The following SLAMF9 variants were observed in gnomAD, a reference collection of about 807,000 sequenced individuals.
The protein encoded by SLAMF9 is CD2 family member 10.
SLAMF9 carries 25 observed loss-of-function variants against 30.4 expected under a neutral mutation model. The ratio of observed to expected loss-of-function variants is 0.82; its 90% CI spans 0.60 to 1.15. SLAMF9 has a LOEUF of 1.15. Among genes scored for constraint, SLAMF9 ranks in the 50% most tolerant of loss-of-function variants. SLAMF9 has a pLI of 0.00. For synonymous variants in SLAMF9, 129 were observed against 127.2 expected, an observed-to-expected ratio of 1.01 and a Z score of -0.09; for missense variants, 344 against 346.1, an observed-to-expected ratio of 0.99 and a Z score of 0.05.
the SLAMF9 span, among the ~76,000 whole-genome samples, chr1:159,977,848 G>A: frequency 6.6e-6 from 1 of 152,102 alleles, no homozygotes; most frequent in African/African-American, 2.4e-5. Context: ...GAACATAGGC[G>A]TACTCATGGA....
the SLAMF9 span, among the ~76,000 whole-genome samples, chr1:159,970,095 A>G: frequency 2.0e-5 from 3 of 152,186 alleles, no homozygotes. Flanking sequence ...TAAATAAAAT[A>G]GTATTTATCA....
chr1:159,963,454 T>C, the SLAMF9 span, among the ~76,000 whole-genome samples: 1 of 152,162 alleles, frequency 6.6e-6, no homozygotes. Context: ...GTGTTTTCCA[T>C]GCCAGTCACC....
At chr1:159,983,215 CCTTTT>C in the SLAMF9 span, 1 of 152,314 alleles carries the variant, frequency 6.6e-6, no homozygotes, top group African/African-American at 2.4e-5. Flanking sequence ...TGTCTTTCAT[CCTTTT>C]CTTTTCTTCT....
At chr1:159,972,249 C>T in the SLAMF9 span, among the ~76,000 whole-genome samples, 1 of 152,220 alleles carries the variant, frequency 6.6e-6, no homozygotes, top group Non-Finnish European at 1.5e-5. Context: ...AGCCTCACTG[C>T]TGGAGAGAAG....
chr1:159,964,826 T>C, the SLAMF9 span, among the ~76,000 whole-genome samples: 1 of 152,226 alleles, frequency 6.6e-6, no homozygotes, highest in Non-Finnish European at 1.5e-5. Context: ...TGTGTATTTG[T>C]ATTCCTTTGC....
At chr1:159,976,956 GAAA>G in the SLAMF9 span, 2 of 6,854 alleles carry the variant, frequency 2.9e-4, no homozygotes, top group African/African-American at 4.5e-4. Context: ...AAGAAAGAAA[GAAA>G]GAGAAAGAAA....
chr1:159,965,168 G>A, the SLAMF9 span, among the ~76,000 whole-genome samples: 4 of 152,188 alleles, frequency 2.6e-5, no homozygotes, highest in Non-Finnish European at 4.4e-5. Context: ...ACAGGAAAAC[G>A]CGAAGCTTAC....
chr1:159,970,347 A>G, the SLAMF9 span, among the ~76,000 whole-genome samples: 2 of 152,214 alleles, frequency 1.3e-5, no homozygotes, highest in Non-Finnish European at 2.9e-5. Context: ...AGAGTGTTAT[A>G]AAGCAGGAAT....
At chr1:159,962,230 G>A in the SLAMF9 span, among the ~76,000 whole-genome samples, 40 of 151,778 alleles carry the variant, frequency 2.6e-4, no homozygotes, top group Non-Finnish European at 7.4e-5. Flanking sequence ...ATGGGGTAGA[G>A]GGATAATTTT....
upstream of SLAMF9, among the ~76,000 whole-genome samples, chr1:159,954,550 A>G: frequency 6.6e-6 from 1 of 152,172 alleles, no homozygotes; most frequent in Non-Finnish European, 1.5e-5. Flanking sequence ...TCTCTGGGTA[A>G]TTCCTATGTT....
At position 159,952,525 on chromosome 1, in the gene SLAMF9, G is replaced by A. The variant is rs777558390; in HGVS notation, c.401C>T (p.Ser134Leu). The A allele has an allele frequency of 2.5e-6, 4 of 1,613,514 alleles. No individual in the cohort carries two copies. The African/African-American group carries it at 5.3e-5, about 22-fold the overall frequency. Residue 134 changes from serine to leucine, a missense_variant, in exon 3 of 4, where the codon TCA (serine) becomes TTA (leucine). By Grantham distance (145) the Ser-to-Leu change is moderately radical. Transcript: ENST00000368093. ...QYNICVYRWL[S>L]EPQITVNFES... ...AAAGTTCACAGTGATCTGGGGCTCT[G>A]ACAGCCATCCTGGATGAAGGGGAAA... is the stretch of plus-strand genomic sequence containing the variant.
chr1:159,973,851 T>A, the SLAMF9 span: 11 of 1,613,496 alleles, frequency 6.8e-6, no homozygotes, highest in Non-Finnish European at 9.3e-6. Flanking sequence ...CTGTGGAATA[T>A]ACATCACCTG....
chr1:159,955,717 C>G (rs138588743), upstream of SLAMF9, among the ~76,000 whole-genome samples: 4 of 152,076 alleles, frequency 2.6e-5, no homozygotes, highest in African/African-American at 4.8e-5. Flanking sequence ...ATTGAAGGAG[C>G]CTATAATAAG....
chr1:159,951,932 T>A (rs1483062983), intron 3 of SLAMF9, 66 bp from the exon 4 acceptor site: 9 of 1,402,558 alleles, frequency 6.4e-6, no homozygotes, highest in Non-Finnish European at 8.9e-6. Context: ...TTGGGCAGAC[T>A]CCTACCCAAA....
chr1:159,981,391 C>T, the SLAMF9 span, among the ~76,000 whole-genome samples: 11 of 152,156 alleles, frequency 7.2e-5, no homozygotes, highest in Non-Finnish European at 1.6e-4. Flanking sequence ...TGGTCTGTGC[C>T]ATGTGTTACA....
At chr1:159,957,605 A>T (rs1651953495), upstream of SLAMF9, among the ~76,000 whole-genome samples, 1 of 152,192 alleles carries the variant, frequency 6.6e-6, no homozygotes, top group South Asian at 2.1e-4. Context: ...GCCTGGCGAC[A>T]GAGCGAGACT....
At chr1:159,973,391 C>A in the SLAMF9 span, 10 of 509,752 alleles carry the variant, frequency 2.0e-5, no homozygotes, top group Non-Finnish European at 3.5e-5. Context: ...GGAACCCCAA[C>A]GGGAGGCAGT....
the SLAMF9 span, among the ~76,000 whole-genome samples, chr1:159,962,751 G>A: frequency 6.6e-5 from 10 of 152,184 alleles, no homozygotes; most frequent in Non-Finnish European, 1.2e-4. Flanking sequence ...GAAGGTTTAC[G>A]TGAAAGGCAG....
At chr1:159,971,125 A>C in the SLAMF9 span, among the ~76,000 whole-genome samples, 3 of 152,186 alleles carry the variant, frequency 2.0e-5, no homozygotes, top group Admixed American at 2.0e-4. Context: ...TCAGGCTGAC[A>C]CCTTTGTTCT....
Sources: allele counts gnomAD v4.1 joint callset (sites outside exome capture counted in the v4.1 genomes callset), GRCh38; gene constraint gnomAD v4.1.1; transcripts MANE v1.5; gene names NCBI Gene and HGNC (gene_info 2026-07-23, HGNC 2026-07-21).